Variants in EYS observed in about 807,000 individuals in gnomAD.
EYS encodes the protein EGF-like photoreceptor maintenance factor.
A neutral mutation model predicts 282.1 loss-of-function variants in EYS; 250 were observed. The ratio of observed to expected loss-of-function variants is 0.89; its 90% confidence interval spans 0.80 to 0.98. The LOEUF (loss-of-function observed/expected upper bound fraction) is 0.98. Ranked by LOEUF, EYS falls within the 50% of genes least tolerant of loss-of-function variation. The probability of loss-of-function intolerance (pLI) is 0.00; values close to 1 mark genes in which losing one functional copy is unlikely to be tolerated. For missense variants in EYS, 4,016 were observed against 3,709.0 expected (o/e 1.08, Z -2.15); for synonymous variants, 1,355 against 1,282.9 (o/e 1.06, Z -1.20).
At chr6:65,060,238 T>G (rs1254959095) in intron 12 of EYS, among the ~76,000 whole-genome samples, 2 of 151,930 alleles carry the variant, frequency 1.3e-5, no homozygotes, top group Non-Finnish European at 2.9e-5. Context: ...GACTTTTTTT[T>G]TTTTTCAAAT....
intron 12 of EYS, among the ~76,000 whole-genome samples, chr6:65,086,848 G>A (rs929960770): frequency 1.3e-5 from 2 of 150,928 alleles, no homozygotes; most frequent in Admixed American, 1.3e-4. Flanking sequence ...TTTTTTTAAC[G>A]GAGTCTTGCT....
At chr6:65,041,242 T>C (rs990458262) in intron 13 of EYS, among the ~76,000 whole-genome samples, 9 of 151,706 alleles carry the variant, frequency 5.9e-5, no homozygotes, top group Non-Finnish European at 1.0e-4. Context: ...CTGTGACCCT[T>C]CCTCTGCAAG....
chr6:64,722,930 C>G (rs965832992), intron 22 of EYS, among the ~76,000 whole-genome samples: 3 of 152,110 alleles, frequency 2.0e-5, no homozygotes, highest in Admixed American at 2.0e-4. Flanking sequence ...CACAGGGACA[C>G]TCTCAAGTAT....
chr6:65,353,198 A>G (rs1036096502), intron 9 of EYS, among the ~76,000 whole-genome samples: 4 of 151,964 alleles, frequency 2.6e-5, no homozygotes, highest in Non-Finnish European at 5.9e-5. Context: ...CCCTTCCAAC[A>G]AATGGATTTA....
chr6:64,222,592 T>G (rs1394911940), intron 31 of EYS, among the ~76,000 whole-genome samples: 2 of 152,040 alleles, frequency 1.3e-5, no homozygotes, highest in African/African-American at 4.8e-5. Flanking sequence ...GTAAATAGTA[T>G]AATACAAAAA....
intron 11 of EYS, among the ~76,000 whole-genome samples, chr6:65,305,524 T>G (rs1452489681): frequency 6.6e-6 from 1 of 152,188 alleles, no homozygotes; most frequent in Admixed American, 6.5e-5. Flanking sequence ...AATGTGGGCA[T>G]AACTCTTTGG....
At chr6:65,392,711 T>C (rs1766095276) in intron 7 of EYS, among the ~76,000 whole-genome samples, 1 of 152,022 alleles carries the variant, frequency 6.6e-6, no homozygotes, top group African/African-American at 2.4e-5. Context: ...GGAACACTTT[T>C]ACACTGTTGG....
rs140161192 is a variant in EYS at position 63,952,992 on chromosome 6, A to G, written c.7055+31391T>C. On this transcript the variant is annotated intron_variant, in intron 35 of 42. Transcript: ENST00000503581. The stretch of plus-strand genomic sequence containing the variant: ...CATTTTACCTGTCCAAAAACTGGAC[A>G]AGTCTTACAGGTTAGTTCAGGATCT... Among the ~76,000 whole-genome samples the G allele has an allele frequency of 6.6e-5, 10 of 152,350 alleles. No individual in the cohort carries two copies. In the East Asian group the frequency reaches 1.9e-3, roughly 29 times the overall value.
At chr6:65,349,954 C>T (rs1270939711) in intron 9 of EYS, among the ~76,000 whole-genome samples, 2 of 151,204 alleles carry the variant, frequency 1.3e-5, no homozygotes, top group Non-Finnish European at 3.0e-5. Flanking sequence ...CATTTTAATT[C>T]TTGTTTGTAA....
chr6:64,957,554 T>C (rs956933619), intron 14 of EYS, among the ~76,000 whole-genome samples: 7 of 152,196 alleles, frequency 4.6e-5, no homozygotes, highest in African/African-American at 1.4e-4. Context: ...AACAACTTAA[T>C]TGTACATTTT....
intron 1 of EYS, among the ~76,000 whole-genome samples, chr6:65,688,658 A>G (rs1769120713): frequency 6.6e-6 from 1 of 152,316 alleles, no homozygotes; most frequent in Middle Eastern, 3.4e-3. Flanking sequence ...ATCTACAATG[A>G]ACTGAAACAA....
chr6:64,794,014 C>T (rs542172214), intron 22 of EYS, among the ~76,000 whole-genome samples: 7 of 152,188 alleles, frequency 4.6e-5, no homozygotes, highest in African/African-American at 1.4e-4. Flanking sequence ...TGCCCCAGGC[C>T]CTGGTTAATC....
intron 2 of EYS, among the ~76,000 whole-genome samples, chr6:65,541,200 A>G (rs775978220): frequency 2.0e-5 from 3 of 152,160 alleles, no homozygotes; most frequent in Non-Finnish European, 4.4e-5. Context: ...TGTACATTAA[A>G]TAGTTCAAAA....
At chr6:64,197,766 A>G (rs1765336243) in intron 31 of EYS, among the ~76,000 whole-genome samples, 1 of 133,444 alleles carries the variant, frequency 7.5e-6, no homozygotes, top group African/African-American at 2.8e-5. Context: ...CTTGTTTAGG[A>G]TTGATTTTTT....
chr6:65,098,353 G>C (rs183071357), intron 12 of EYS, among the ~76,000 whole-genome samples: 1 of 150,748 alleles, frequency 6.6e-6, no homozygotes, highest in Middle Eastern at 3.4e-3. Flanking sequence ...CAAATTCTGT[G>C]CTTGAGATGA....
intron 24 of EYS, among the ~76,000 whole-genome samples, chr6:64,609,153 G>A (rs1202330889): frequency 6.6e-6 from 1 of 152,018 alleles, no homozygotes; most frequent in African/African-American, 2.4e-5. Context: ...TGTAGGGATG[G>A]GTATATGAGA....
intron 26 of EYS, among the ~76,000 whole-genome samples, chr6:64,510,159 A>C (rs1777338686): frequency 6.6e-6 from 1 of 152,194 alleles, no homozygotes; most frequent in Non-Finnish European, 1.5e-5. Context: ...GTAGAATATC[A>C]TAAAATGATA....
At chr6:64,056,610 G>A (rs1770994093) in intron 33 of EYS, among the ~76,000 whole-genome samples, 1 of 152,184 alleles carries the variant, frequency 6.6e-6, no homozygotes, top group Non-Finnish European at 1.5e-5. Flanking sequence ...GCACCCTAGT[G>A]AAAGGGATGA....
chr6:64,207,119 T>C (rs1765632066), intron 31 of EYS, among the ~76,000 whole-genome samples: 1 of 152,024 alleles, frequency 6.6e-6, no homozygotes, highest in South Asian at 2.1e-4. Flanking sequence ...GAAATTTAAT[T>C]GCCAATGTAT....
Sources: allele counts gnomAD v4.1 joint callset (sites outside exome capture counted in the v4.1 genomes callset), GRCh38; gene constraint gnomAD v4.1.1; transcripts MANE v1.5; gene names NCBI Gene and HGNC (gene_info 2026-07-23, HGNC 2026-07-21).